Variants in UTY observed in about 807,000 individuals in gnomAD.
UTY encodes ubiquitously transcribed tetratricopeptide repeat containing, Y-linked.
UTY carries 12 observed loss-of-function variants against 32.5 expected under a neutral mutation model. The observed-to-expected ratio is 0.37, with a 90% CI of 0.24 to 0.60. The LOEUF is 0.60. Among genes scored for constraint, UTY ranks in the 20% least tolerant of loss-of-function variants. The pLI, the probability that UTY is intolerant of heterozygous loss-of-function variation, is 0.69. For synonymous variants in UTY, 131 were observed against 103.4 expected (o/e 1.27, Z -1.62); for missense variants, 303 against 299.2 (o/e 1.01, Z -0.09).
intron 25 of UTY, chrY:13,300,033 G>T: frequency 4.4e-6 from 1 of 225,611 alleles, no homozygotes; most frequent in Non-Finnish European, 5.3e-6. Flanking sequence ...GGGTGAGAAG[G>T]AGAGCAGAAA....
chrY:13,438,039 G>C (rs2074813741), intron 4 of UTY, among the ~76,000 whole-genome samples: 4 of 32,598 alleles, frequency 1.2e-4, no homozygotes, highest in African/African-American at 4.8e-4. Context: ...AGCGGAAAGA[G>C]GCCATGTGTA....
chrY:13,341,682 C>G (rs780126502), intron 17 of UTY, among the ~76,000 whole-genome samples: 1 of 32,717 alleles, frequency 3.1e-5, no homozygotes, highest in South Asian at 7.0e-4. Flanking sequence ...GAGGAACCTA[C>G]GGTCTCAATG....
intron 28 of UTY, 37 bp downstream of exon 28, chrY:13,260,241 C>G: frequency 5.2e-6 from 2 of 385,842 alleles, no homozygotes; most frequent in Non-Finnish European, 7.2e-6. Flanking sequence ...CTAGAGAATC[C>G]AAAACAAAAC....
intron 28 of UTY, among the ~76,000 whole-genome samples, chrY:13,237,216 G>A: frequency 2.9e-5 from 1 of 33,954 alleles, no homozygotes; most frequent in Non-Finnish European, 7.3e-5. Flanking sequence ...TCATTCTGTA[G>A]ACTAAAGATG....
At chrY:13,403,441 A>G (rs2069384893) in intron 6 of UTY, among the ~76,000 whole-genome samples, 41 of 31,624 alleles carry the variant, frequency 1.3e-3, no homozygotes, top group African/African-American at 5.0e-3. Context: ...CTACAGGCAC[A>G]TGCCACCATG....
intron 18 of UTY, among the ~76,000 whole-genome samples, chrY:13,329,451 G>A (rs1603409950): frequency 6.0e-5 from 2 of 33,601 alleles, no homozygotes; most frequent in African/African-American, 2.3e-4. Context: ...CATGCGAAAT[G>A]ACTTTCACTT....
intron 28 of UTY, among the ~76,000 whole-genome samples, chrY:13,236,938 T>A: frequency 9.0e-5 from 3 of 33,374 alleles, no homozygotes. Context: ...TGCTAAGAAA[T>A]TTTTTTAAAA....
chrY:13,361,437 G>C (rs902972851), intron 10 of UTY, among the ~76,000 whole-genome samples: 1 of 32,874 alleles, frequency 3.0e-5, no homozygotes, highest in Non-Finnish European at 7.5e-5. Flanking sequence ...CACTGGTAAA[G>C]AACTATAGGG....
intron 28 of UTY, among the ~76,000 whole-genome samples, chrY:13,241,965 C>G: frequency 3.1e-5 from 1 of 32,253 alleles, no homozygotes; most frequent in African/African-American, 1.2e-4. Flanking sequence ...ACTAGGGAGA[C>G]AGAGGAAGGG....
At chrY:13,413,539 C>T (rs1603452290) in intron 5 of UTY, among the ~76,000 whole-genome samples, 2 of 34,479 alleles carry the variant, frequency 5.8e-5, no homozygotes, top group East Asian at 7.8e-4. Flanking sequence ...TGTAACACTT[C>T]GTGGGGGCTC....
At chrY:13,276,436 G>A (rs767942293) in intron 27 of UTY, among the ~76,000 whole-genome samples, 2 of 34,227 alleles carry the variant, frequency 5.8e-5, no homozygotes, top group East Asian at 1.5e-3. Context: ...ACGGCTGGGC[G>A]TGGTGGCTCA....
chrY:13,450,263 G>A (rs2076214969), intron 3 of UTY, among the ~76,000 whole-genome samples: 1 of 33,050 alleles, frequency 3.0e-5, no homozygotes, highest in African/African-American at 1.2e-4. Flanking sequence ...CTGTCTTAAG[G>A]GTACTATTCA....
At chrY:13,371,920 T>A (rs2064957644) in intron 8 of UTY, among the ~76,000 whole-genome samples, 1 of 32,828 alleles carries the variant, frequency 3.0e-5, no homozygotes, top group Non-Finnish European at 7.6e-5. Context: ...AAGAAAAAAA[T>A]TTTGAAGGAA....
chrY:13,343,971 AAAG>A (rs2061700485), intron 17 of UTY, among the ~76,000 whole-genome samples: 4 of 33,907 alleles, frequency 1.2e-4, no homozygotes, highest in Non-Finnish European at 2.9e-4. Context: ...AAGAGCTCCA[AAAG>A]AAGTAGCAGT....
At chrY:13,311,658 A>G (rs2059113910) in intron 21 of UTY, among the ~76,000 whole-genome samples, 1 of 32,357 alleles carries the variant, frequency 3.1e-5, no homozygotes, top group Non-Finnish European at 7.6e-5. Flanking sequence ...GCTGGGTGGA[A>G]TAACTTGCTA....
At chrY:13,270,787 A>G in intron 27 of UTY, among the ~76,000 whole-genome samples, 1 of 33,688 alleles carries the variant, frequency 3.0e-5, no homozygotes, top group Non-Finnish European at 7.4e-5. Context: ...TCTATTCTAC[A>G]TAGTGTACAT....
At chrY:13,405,816 G>C (rs932736339) in intron 6 of UTY, among the ~76,000 whole-genome samples, 1 of 32,950 alleles carries the variant, frequency 3.0e-5, no homozygotes, top group East Asian at 7.6e-4. Flanking sequence ...AAAATGATCT[G>C]AGGAATAAGG....
intron 27 of UTY, among the ~76,000 whole-genome samples, chrY:13,272,888 C>T: frequency 3.0e-5 from 1 of 33,559 alleles, no homozygotes; most frequent in African/African-American, 1.2e-4. Context: ...AGGTGCACAG[C>T]ACCACACCTG....
chrY:13,319,900 T>A, intron 21 of UTY, among the ~76,000 whole-genome samples: 3 of 33,369 alleles, frequency 9.0e-5, no homozygotes, highest in Admixed American at 8.3e-4. Context: ...TTTAAAAAAA[T>A]TATTGAGTTA....
Sources: gnomAD v4.1 joint callset for allele counts (sites outside exome capture counted in the v4.1 genomes callset) on GRCh38, gnomAD v4.1.1 for gene constraint, MANE v1.5 for transcripts, NCBI Gene and HGNC (gene_info 2026-07-23, HGNC 2026-07-21) for gene names.